The following WWOX variants were observed in gnomAD, a reference collection of about 807,000 sequenced individuals.
WWOX encodes the protein WW domain containing oxidoreductase, also known as WW domain-containing oxidoreductase.
WWOX carries 69 observed loss-of-function variants against 46.2 expected under a neutral mutation model. That is an observed-to-expected ratio of 1.49 (90% CI 1.23 to 1.82). The LOEUF (loss-of-function observed/expected upper bound fraction) is 1.82, where lower values mean the gene tolerates loss of function less well. Among genes scored for constraint, WWOX ranks in the 40% most tolerant of loss-of-function variants. The pLI is 0.00. For synonymous variants in WWOX, 359 were observed against 202.6 expected, an observed-to-expected ratio of 1.77 and a Z score of -6.56; for missense variants, 919 against 542.6, an observed-to-expected ratio of 1.69 and a Z score of -6.89.
intron 8 of WWOX, among the ~76,000 whole-genome samples, chr16:78,591,805 T>A (rs2045358600): frequency 6.6e-6 from 1 of 152,162 alleles, no homozygotes; most frequent in Non-Finnish European, 1.5e-5. Context: ...AGTGCAGTGG[T>A]AGCTGGTGAC....
At chr16:78,435,917 G>T (rs114323207) in intron 8 of WWOX, among the ~76,000 whole-genome samples, 3,066 of 152,246 alleles carry the variant, frequency 0.02, 46 homozygotes, top group African/African-American at 0.043. Flanking sequence ...ATTATAATCT[G>T]GCTCTCCAGT....
rs372456686 is a variant in WWOX, at chr16:78,804,102, G to A, written c.1056+371350G>A. Among the ~76,000 whole-genome samples the A allele has an allele frequency of 1.5e-4, 23 of 152,310 alleles. No homozygotes were observed. In the East Asian group the frequency reaches 2.5e-3, roughly 17 times the overall value. The stretch of plus-strand genomic sequence containing the variant: ...CCCAACCAAGTTTGACCCCGCCGCA[G>A]TGGAGATTGTGGCAGATGGGTCAGA... On this transcript the variant is annotated intron_variant, in intron 8 of 8. Transcript: ENST00000566780.
At chr16:78,553,695 C>T (rs2673789) in intron 8 of WWOX, among the ~76,000 whole-genome samples, 62,201 of 151,614 alleles carry the variant, frequency 0.41, 15,523 homozygotes, top group Admixed American at 0.58. Context: ...GATAGAGAAC[C>T]TTTCCCTAGA....
At position 78,743,973 on chromosome 16, in the gene WWOX, C is replaced by G. The variant is rs181579086; in HGVS notation, c.1056+311221C>G. Among the ~76,000 whole-genome samples the G allele has an allele frequency of 5.3e-5, 8 of 152,298 alleles. No homozygotes were observed. In the East Asian group the frequency reaches 1.2e-3, roughly 22 times the overall value. ...TACTTTCCTTTTCAGTAAATCTCTA[C>G]TTTTGTTGTTTCATTCTTTCCTTGC... is the stretch of plus-strand genomic sequence containing the variant. On this transcript the variant is annotated intron_variant, in intron 8 of 8. Transcript: ENST00000566780.
chr16:78,789,930 G>T (rs774264111), intron 8 of WWOX, among the ~76,000 whole-genome samples: 2 of 152,084 alleles, frequency 1.3e-5, no homozygotes, highest in Non-Finnish European at 1.5e-5. Context: ...GCCACTTATT[G>T]TGTCACTTTG....
At chr16:78,307,603 C>G (rs148151451) in intron 5 of WWOX, among the ~76,000 whole-genome samples, 21 of 152,156 alleles carry the variant, frequency 1.4e-4, no homozygotes, top group Non-Finnish European at 2.9e-4. Context: ...TTTTTTAACC[C>G]AGTGAGGTTG....
At chr16:79,123,122 G>A (rs1401901339) in intron 8 of WWOX, among the ~76,000 whole-genome samples, 1 of 152,178 alleles carries the variant, frequency 6.6e-6, no homozygotes, top group Non-Finnish European at 1.5e-5. Flanking sequence ...GCTGTATAAG[G>A]AAGAAGGTTT....
In WWOX at chr16:78,344,949, A is replaced by G. The variant is rs2081069532; in HGVS notation, c.517-41911A>G. Reference sequence around the variant, plus strand: ...CTTCCTTGCTGCGGGAACTCTGGAAAGTCACTTAACCTCTCTGAGCAAGCT... The same window carrying G: ...CTTCCTTGCTGCGGGAACTCTGGAAGGTCACTTAACCTCTCTGAGCAAGCT... On this transcript the variant is annotated intron_variant, in intron 5 of 8. Transcript: ENST00000566780. Among the ~76,000 whole-genome samples, 2 of 120,794 alleles carry G rather than the reference A, an allele frequency of 1.7e-5. 1 individual carries two copies. The highest frequency in any genetic ancestry group is 4.0e-5 in the Non-Finnish European group (2 of 50,604). 79.2% of individuals were successfully genotyped at this position (120,794 alleles called of 152,430 possible). A position where few individuals can be genotyped will look rare whatever the true frequency, so the allele number is the denominator to read the frequency against.
chr16:78,214,674 C>T (rs2036661106), intron 5 of WWOX, among the ~76,000 whole-genome samples: 1 of 152,172 alleles, frequency 6.6e-6, no homozygotes, highest in Non-Finnish European at 1.5e-5. Context: ...CAAGGCAAGG[C>T]CTTTCTTTCT....
At chr16:78,954,064 C>G (rs961279560) in intron 8 of WWOX, among the ~76,000 whole-genome samples, 1 of 152,176 alleles carries the variant, frequency 6.6e-6, no homozygotes, top group Non-Finnish European at 1.5e-5. Flanking sequence ...AGGCAAGGAC[C>G]ATATCTTATT....
At chr16:78,912,061 A>T (rs1043859563) in intron 8 of WWOX, among the ~76,000 whole-genome samples, 5 of 151,966 alleles carry the variant, frequency 3.3e-5, no homozygotes, top group East Asian at 1.9e-4. Flanking sequence ...TCTGAGTCCA[A>T]TTATGGCCTT....
rs188874070 is a variant in WWOX at position 78,664,602 on chromosome 16, A to C, written c.1056+231850A>C. On this transcript the variant is annotated intron_variant, in intron 8 of 8. Coordinates refer to ENST00000566780, the MANE Select transcript of WWOX (RefSeq NM_016373.4). ...CTGGCAGTGTCAAAACTCTGTGTCCAGATGTTTTATGATTTTCCCTTTTCC... is the reference window on the plus strand; with the variant it reads ...CTGGCAGTGTCAAAACTCTGTGTCCCGATGTTTTATGATTTTCCCTTTTCC... Among the ~76,000 whole-genome samples the C allele has an allele frequency of 1.6e-4, 24 of 152,300 alleles. 1 individual carries two copies. Among genetic ancestry groups the C allele is most frequent in the Admixed American group, 1.5e-3 (23 of 15,308 alleles).
At chr16:78,382,979 G>C (rs1816433983) in intron 5 of WWOX, among the ~76,000 whole-genome samples, 1 of 151,576 alleles carries the variant, frequency 6.6e-6, no homozygotes, top group Admixed American at 6.6e-5. Context: ...TCATGGCGAA[G>C]AGGAAGCAGG....
chr16:79,157,476 G>A (rs1281619534), intron 8 of WWOX, among the ~76,000 whole-genome samples: 1 of 151,806 alleles, frequency 6.6e-6, no homozygotes, highest in Non-Finnish European at 1.5e-5. Context: ...GCAGGGTTGT[G>A]TAAAGGAAGG....
At chr16:78,946,830 G>C (rs967026219) in intron 8 of WWOX, among the ~76,000 whole-genome samples, 1 of 152,118 alleles carries the variant, frequency 6.6e-6, no homozygotes, top group Non-Finnish European at 1.5e-5. Context: ...CGGTAGCAAG[G>C]ACAAGAGGGC....
chr16:78,520,561 G>A (rs115407277), intron 8 of WWOX, among the ~76,000 whole-genome samples: 365 of 152,160 alleles, frequency 2.4e-3, no homozygotes, highest in African/African-American at 8.4e-3. Context: ...AGCACAGATT[G>A]GCAGTGGATG....
chr16:78,134,110 A>G (rs2033706014), intron 4 of WWOX, among the ~76,000 whole-genome samples: 1 of 152,230 alleles, frequency 6.6e-6, no homozygotes, highest in Admixed American at 6.5e-5. Flanking sequence ...TGTGACGAAT[A>G]AGAAATGGCA....
At chr16:78,497,039 C>T (rs2084934572) in intron 8 of WWOX, among the ~76,000 whole-genome samples, 1 of 152,206 alleles carries the variant, frequency 6.6e-6, no homozygotes, top group Non-Finnish European at 1.5e-5. Flanking sequence ...AGAAATTATT[C>T]TGCAGGGAGA....
chr16:78,555,696 C>G (rs1567641446), intron 8 of WWOX, among the ~76,000 whole-genome samples: 1 of 151,302 alleles, frequency 6.6e-6, no homozygotes, highest in Non-Finnish European at 1.5e-5. Context: ...ACCCTTTGGA[C>G]TGGAAGTAAG....
Sources: gnomAD v4.1 joint callset for allele counts (sites outside exome capture counted in the v4.1 genomes callset) on GRCh38, gnomAD v4.1.1 for gene constraint, MANE v1.5 for transcripts, NCBI Gene and HGNC (gene_info 2026-07-23, HGNC 2026-07-21) for gene names.